ORC5: variants seen among roughly 807,000 people sequenced by gnomAD.
ORC5 encodes the protein protein phosphatase 1, regulatory subunit 117.
In ORC5, 39 loss-of-function variants were observed where a neutral mutation model predicts 58.8. The observed-to-expected ratio is 0.66, with a 90% confidence interval of 0.51 to 0.87. The LOEUF (loss-of-function observed/expected upper bound fraction) is 0.87, where lower values mean the gene tolerates loss of function less well. ORC5 is among the 40% of genes least tolerant of loss of function. ORC5 has a pLI of 0.00. For synonymous variants in ORC5, 218 were observed against 177.6 expected (o/e 1.23, Z -1.81); for missense variants, 493 against 506.3 (o/e 0.97, Z 0.25).
chr7:104,192,325 A>G (rs974927902), intron 5 of ORC5, among the ~76,000 whole-genome samples: 10 of 152,150 alleles, frequency 6.6e-5, no homozygotes, highest in Non-Finnish European at 1.0e-4. Flanking sequence ...ACTTTTAGGG[A>G]AAAAACAATT....
rs1027938973 is a variant in ORC5 at position 104,138,041 on chromosome 7, G to C, written c.1150-1148C>G. On this transcript the variant is annotated intron_variant, in intron 12 of 13. Transcript: ENST00000297431. This position sits in a 1 kb window ranked among gnomAD's most constrained non-coding sequence, Gnocchi z 4.7. ...CATTCATCCCTAGATGCGGCCGTGA[G>C]ATTGGAGCCCCACAACCTGCCCGTC... Among the ~76,000 whole-genome samples, 1 of 152,208 alleles carries C rather than the reference G, an allele frequency of 6.6e-6. No homozygotes were observed. The highest frequency in any genetic ancestry group is 1.5e-5 in the Non-Finnish European group (1 of 68,046).
Position 104,163,477 on chromosome 7 carries a change from G to T in ORC5, c.1038+1758C>A, listed in dbSNP as rs188467380. Reference sequence around the variant, plus strand: ...TTGTGTAAAGCCACCATGGTTTGGGGGGTTTTGTTTTGTTTGTTTGTCTGT... The same window carrying T: ...TTGTGTAAAGCCACCATGGTTTGGGTGGTTTTGTTTTGTTTGTTTGTCTGT... On this transcript the variant is annotated intron_variant, in intron 11 of 13. Coordinates refer to ENST00000297431, the MANE Select transcript of ORC5 (RefSeq NM_002553.4). Among the ~76,000 whole-genome samples the T allele has an allele frequency of 1.2e-3, 180 of 152,154 alleles. 4 individuals are homozygous for T. The South Asian group carries it at 0.035, about 29-fold the overall frequency.
Position 104,126,659 on chromosome 7 carries a change from A to G in ORC5, c.*189T>C, listed in dbSNP as rs946388565. 4 of 500,418 alleles carry G rather than the reference A, an allele frequency of 8.0e-6. No individual in the cohort carries two copies. Among genetic ancestry groups the G allele is most frequent in the Admixed American group, 4.0e-5 (1 of 24,938 alleles). 31.0% of individuals were successfully genotyped at this position (500,418 alleles called of 1,614,324 possible). Reference sequence around the variant, plus strand: ...TTCCAAATACTCCAGGGTCCCTGGTAAATAGTCTTCTGCTCACATCCACCC... The same window carrying G: ...TTCCAAATACTCCAGGGTCCCTGGTGAATAGTCTTCTGCTCACATCCACCC... On this transcript the variant is annotated 3_prime_UTR_variant, in exon 14 of 14. Coordinates refer to ENST00000297431, the MANE Select transcript of ORC5 (RefSeq NM_002553.4).
chr7:104,147,741 A>G (rs562790141), intron 12 of ORC5, among the ~76,000 whole-genome samples: 2 of 152,376 alleles, frequency 1.3e-5, no homozygotes, highest in East Asian at 3.9e-4. Context: ...TTGTAACAAC[A>G]AATTTTAAAT....
chr7:104,150,576 T>C (rs1446002922), intron 12 of ORC5, among the ~76,000 whole-genome samples: 2 of 151,178 alleles, frequency 1.3e-5, no homozygotes, highest in Non-Finnish European at 2.9e-5. Context: ...GGTTTGCTAG[T>C]CTTCAAATAT....
intron 13 of ORC5, among the ~76,000 whole-genome samples, chr7:104,134,424 A>G (rs1477823173): frequency 2.0e-5 from 3 of 150,174 alleles, no homozygotes; most frequent in Non-Finnish European, 3.0e-5. Context: ...CTCAAAAAAA[A>G]AAAAAAAAAA....
At chr7:104,156,793 A>G (rs569063280) in intron 12 of ORC5, among the ~76,000 whole-genome samples, 3 of 152,052 alleles carry the variant, frequency 2.0e-5, no homozygotes, top group African/African-American at 7.2e-5. Context: ...TTTTATTTAC[A>G]TTTTCATAAA....
At chr7:104,130,920 T>C (rs1798503407) in intron 13 of ORC5, among the ~76,000 whole-genome samples, 1 of 152,188 alleles carries the variant, frequency 6.6e-6, no homozygotes, top group Non-Finnish European at 1.5e-5. Flanking sequence ...GACTCCATGA[T>C]TCATCAGGTC....
rs1471126980 is a variant in ORC5, at chr7:104,200,741, C to T, written c.366+17G>A. 2 of 1,421,768 alleles carry T rather than the reference C, an allele frequency of 1.4e-6. No homozygotes were observed. 88.1% of individuals were successfully genotyped at this position (1,421,768 alleles called of 1,614,324 possible). A position where few individuals can be genotyped will look rare whatever the true frequency, so the allele number is the denominator to read the frequency against. On this transcript the variant is annotated intron_variant, in intron 3 of 13. Transcript: ENST00000297431. ...TTTTCAAGATAAGAGATGATCTAAT[C>T]AAATGAAATTACTTACAATATATAC...
Position 104,168,611 on chromosome 7 carries a change from A to T in ORC5, c.825-86T>A, listed in dbSNP as rs1437140415. ...TAAAACAGAGCCCTAGAAAAACTAA[A>T]TTTTTTTATTTATTAACAAAACAGA... On this transcript the variant is annotated intron_variant, in intron 8 of 13. Transcript: ENST00000297431. The T allele has an allele frequency of 4.6e-5, 31 of 666,850 alleles. 1 individual carries two copies. The South Asian group carries it at 7.9e-4, about 17-fold the overall frequency. 41.3% of individuals were successfully genotyped at this position (666,850 alleles called of 1,614,324 possible).
intron 1 of ORC5, among the ~76,000 whole-genome samples, chr7:104,205,676 T>C (rs534938487): frequency 6.6e-6 from 1 of 152,326 alleles, no homozygotes; most frequent in East Asian, 1.9e-4. Context: ...AATACATGAA[T>C]CTTTTTCTGA....
chr7:104,193,540 C>T (rs944878137), intron 5 of ORC5, among the ~76,000 whole-genome samples: 10 of 152,140 alleles, frequency 6.6e-5, no homozygotes, highest in South Asian at 2.1e-4. Context: ...AAGAGGAGAG[C>T]GGTCCTTAAA....
chr7:104,128,991 C>T (rs547919202), intron 13 of ORC5, among the ~76,000 whole-genome samples: 192 of 151,212 alleles, frequency 1.3e-3, no homozygotes, highest in African/African-American at 4.3e-3. Flanking sequence ...CCATAAATTA[C>T]AATACATTAT....
chr7:104,165,722 C>G (rs1359320362), intron 10 of ORC5: 1 of 161,324 alleles, frequency 6.2e-6, no homozygotes, highest in Non-Finnish European at 1.3e-5. Context: ...TAGTTAGGCA[C>G]TCAGGATTCA....
chr7:104,157,013 T>C (rs1347934760), intron 12 of ORC5, among the ~76,000 whole-genome samples: 2 of 151,922 alleles, frequency 1.3e-5, no homozygotes, highest in Non-Finnish European at 2.9e-5. Flanking sequence ...AACAAACGTA[T>C]TTCTGTTTTT....
intron 6 of ORC5, chr7:104,184,452 C>T (rs1799501060): frequency 3.1e-6 from 1 of 321,952 alleles, no homozygotes; most frequent in Non-Finnish European, 5.6e-6. Flanking sequence ...TGGCAAGACC[C>T]TGCTTCTTTC....
intron 8 of ORC5, among the ~76,000 whole-genome samples, chr7:104,182,438 T>C (rs1562822008): frequency 1.3e-5 from 2 of 152,190 alleles, no homozygotes; most frequent in African/African-American, 2.4e-5. Context: ...TGCTGGTAAG[T>C]TGACAGAACC....
chr7:104,126,827 A>C lies in ORC5; in HGVS notation c.*21T>G. 1 of 1,588,838 alleles carries C rather than the reference A, an allele frequency of 6.3e-7. No individual in the cohort carries two copies. ...TGGCTTAGTCATTGTCACAGTGTCC[A>C]TATGGCTTTGAAGCTTGTTTTCACA... is the stretch of plus-strand genomic sequence containing the variant. On this transcript the variant is annotated 3_prime_UTR_variant, in exon 14 of 14. Transcript: ENST00000297431.
intron 9 of ORC5, chr7:104,168,019 T>C (rs2115878485): frequency 6.4e-6 from 1 of 156,810 alleles, no homozygotes; most frequent in Admixed American, 6.5e-5. Context: ...TTAGTTCTAT[T>C]TAATATTTGG....
Sources: gnomAD v4.1 joint callset for allele counts (sites outside exome capture counted in the v4.1 genomes callset) on GRCh38, gnomAD v4.1.1 for gene constraint, Gnocchi (gnomAD v3.1) non-coding constraint, MANE v1.5 for transcripts, NCBI Gene and HGNC (gene_info 2026-07-23, HGNC 2026-07-21) for gene names.